The following ACTR3C variants were observed in gnomAD, a reference collection of about 807,000 sequenced individuals.
The protein encoded by ACTR3C is actin related protein 3C.
A neutral mutation model predicts 26.3 loss-of-function variants in ACTR3C; 18 were observed. The observed-to-expected ratio is 0.68, with a 90% confidence interval of 0.47 to 1.01. The LOEUF is 1.01. Ranked by LOEUF, ACTR3C falls within the 50% of genes least tolerant of loss-of-function variation. ACTR3C has a pLI of 0.00. For synonymous variants in ACTR3C, 55 were observed against 94.5 expected (o/e 0.58, Z 2.42); for missense variants, 184 against 250.7 (o/e 0.73, Z 1.80).
downstream of ACTR3C, among the ~76,000 whole-genome samples, chr7:150,239,540 C>CTA (rs869280836): frequency 0.053 from 4,812 of 89,990 alleles, 243 homozygotes; most frequent in Admixed American, 0.072. Context: ...CTCTCTCTCT[C>CTA]TATATATATA....
the ACTR3C span, among the ~76,000 whole-genome samples, chr7:150,061,307 T>C: frequency 7.0e-6 from 1 of 142,492 alleles, no homozygotes; most frequent in African/African-American, 2.6e-5. Flanking sequence ...TCTGCACCTG[T>C]CTTCTTGGAG....
At chr7:150,112,125 C>G in the ACTR3C span, among the ~76,000 whole-genome samples, 3 of 150,330 alleles carry the variant, frequency 2.0e-5, no homozygotes, top group African/African-American at 4.9e-5. Flanking sequence ...CTGCCCACCC[C>G]GACGTGCCAT....
At chr7:150,018,862 C>T in the ACTR3C span, among the ~76,000 whole-genome samples, 1 of 150,458 alleles carries the variant, frequency 6.6e-6, no homozygotes, top group Non-Finnish European at 1.5e-5. Context: ...TGGAATCTTG[C>T]TTCATCTTCA....
chr7:149,962,695 A>T, the ACTR3C span, among the ~76,000 whole-genome samples: 3 of 152,172 alleles, frequency 2.0e-5, no homozygotes, highest in Non-Finnish European at 4.4e-5. Context: ...CAGCACTAAA[A>T]TTCCAATTCC....
chr7:150,228,996 A>G, the ACTR3C span, among the ~76,000 whole-genome samples: 28 of 151,972 alleles, frequency 1.8e-4, no homozygotes, highest in Middle Eastern at 3.4e-3. Context: ...TATTCATATA[A>G]TACTATATAT....
chr7:150,192,691 A>C, the ACTR3C span, among the ~76,000 whole-genome samples: 12 of 152,208 alleles, frequency 7.9e-5, no homozygotes, highest in Non-Finnish European at 5.9e-5. Context: ...CTATTCCTTC[A>C]ATTTATTTAA....
intron 6 of ACTR3C, among the ~76,000 whole-genome samples, chr7:150,252,776 A>G (rs1832943620): frequency 6.6e-6 from 1 of 152,242 alleles, no homozygotes; most frequent in East Asian, 1.9e-4. Context: ...TGTATTAAAA[A>G]TAACATACTG....
the ACTR3C span, among the ~76,000 whole-genome samples, chr7:150,006,556 A>G: frequency 6.7e-6 from 1 of 150,034 alleles, no homozygotes; most frequent in Non-Finnish European, 1.5e-5. Flanking sequence ...TAATATGGAA[A>G]AAGCTTAAGG....
intron 1 of ACTR3C, among the ~76,000 whole-genome samples, chr7:150,297,468 G>C (rs1278276425): frequency 6.6e-6 from 1 of 151,956 alleles, no homozygotes; most frequent in East Asian, 1.9e-4. Context: ...TGAACTATTA[G>C]AGGATAAACT....
At chr7:150,130,664 A>C in the ACTR3C span, among the ~76,000 whole-genome samples, 1 of 152,244 alleles carries the variant, frequency 6.6e-6, no homozygotes, top group Non-Finnish European at 1.5e-5. Flanking sequence ...AAAAATTTTC[A>C]CAGAATTGCC....
the ACTR3C span, among the ~76,000 whole-genome samples, chr7:150,102,121 A>AT: frequency 7.9e-5 from 12 of 151,742 alleles, 1 homozygote; most frequent in Admixed American, 7.9e-4. Flanking sequence ...CATGACCACG[A>AT]TGTTGCTGTC....
the ACTR3C span, among the ~76,000 whole-genome samples, chr7:150,134,735 G>A: frequency 6.6e-6 from 1 of 152,288 alleles, no homozygotes; most frequent in Non-Finnish European, 1.5e-5. Flanking sequence ...ACTACGTCAG[G>A]ATGATTCCTT....
At chr7:149,924,516 T>C in the ACTR3C span, among the ~76,000 whole-genome samples, 32 of 152,208 alleles carry the variant, frequency 2.1e-4, no homozygotes, top group African/African-American at 7.7e-4. Context: ...CTGATTTAAA[T>C]TAACATTGCT....
At chr7:150,168,773 T>C in the ACTR3C span, among the ~76,000 whole-genome samples, 6 of 150,770 alleles carry the variant, frequency 4.0e-5, no homozygotes. Context: ...GTAGGTTGAA[T>C]GAATCTCAGA....
At chr7:150,100,697 T>TTTTC in the ACTR3C span, among the ~76,000 whole-genome samples, 64,722 of 149,198 alleles carry the variant, frequency 0.43, 15,122 homozygotes, top group East Asian at 0.68. Flanking sequence ...GAGCTTGAGT[T>TTTTC]TTTCTTTCTT....
the ACTR3C span, among the ~76,000 whole-genome samples, chr7:149,939,809 T>G: frequency 6.7e-6 from 1 of 148,330 alleles, no homozygotes; most frequent in Non-Finnish European, 1.5e-5. Context: ...AGTAGAAATG[T>G]TCAGAATAAC....
the ACTR3C span, among the ~76,000 whole-genome samples, chr7:150,055,527 T>C: frequency 1.3e-5 from 2 of 151,874 alleles, no homozygotes; most frequent in Admixed American, 1.3e-4. Flanking sequence ...TAAGACTTTA[T>C]TCAGAATCAA....
At chr7:150,206,445 C>T in the ACTR3C span, among the ~76,000 whole-genome samples, 1 of 151,960 alleles carries the variant, frequency 6.6e-6, no homozygotes, top group African/African-American at 2.4e-5. Flanking sequence ...TGGAGTTTCG[C>T]TCCTGTTGCC....
chr7:150,132,534 C>A, the ACTR3C span, among the ~76,000 whole-genome samples: 1 of 152,110 alleles, frequency 6.6e-6, no homozygotes, highest in Admixed American at 6.5e-5. Context: ...CAGGGAAATG[C>A]AAATCAAAAC....
Sources: allele counts gnomAD v4.1 joint callset (sites outside exome capture counted in the v4.1 genomes callset), GRCh38; gene constraint gnomAD v4.1.1; transcripts MANE v1.5; gene names NCBI Gene and HGNC (gene_info 2026-07-23, HGNC 2026-07-21).